FOXN3: variants seen among roughly 807,000 people sequenced by gnomAD.
The protein encoded by FOXN3 is forkhead box protein N3.
In FOXN3, 7 loss-of-function variants were observed where a neutral mutation model predicts 38.4. The ratio of observed to expected loss-of-function variants is 0.18; its 90% CI spans 0.10 to 0.34. The LOEUF (loss-of-function observed/expected upper bound fraction) is 0.34, where lower values mean the gene tolerates loss of function less well. Among genes scored for constraint, FOXN3 ranks in the 10% least tolerant of loss-of-function variants. FOXN3 has a pLI of 1.00. For synonymous variants in FOXN3, 230 were observed against 242.2 expected, an observed-to-expected ratio of 0.95 and a Z score of 0.47; for missense variants, 456 against 613.4, an observed-to-expected ratio of 0.74 and a Z score of 2.71.
At chr14:89,329,732 A>G (rs1888183055) in intron 3 of FOXN3, among the ~76,000 whole-genome samples, 1 of 151,610 alleles carries the variant, frequency 6.6e-6, no homozygotes, top group Non-Finnish European at 1.5e-5. Context: ...GGTGGCGGGC[A>G]CCTGTCCCAG....
chr14:89,422,592 A>C (rs1177399637), intron 1 of FOXN3, among the ~76,000 whole-genome samples: 1 of 152,168 alleles, frequency 6.6e-6, no homozygotes, highest in Non-Finnish European at 1.5e-5. Context: ...AGAGTAAAAA[A>C]ACTCCTCACT....
At chr14:89,598,188 T>C (rs1379992007) in intron 1 of FOXN3, among the ~76,000 whole-genome samples, 2 of 152,198 alleles carry the variant, frequency 1.3e-5, no homozygotes, top group African/African-American at 4.8e-5. Context: ...TTAACTTCAT[T>C]AACTTCTTTG....
intron 2 of FOXN3, among the ~76,000 whole-genome samples, chr14:89,377,312 A>AAAATAAAT (rs34397438): frequency 0.048 from 7,221 of 149,728 alleles, 251 homozygotes; most frequent in East Asian, 0.17. Flanking sequence ...ATGCTGGTAA[A>AAAATAAAT]AAATAAATAA....
chr14:89,609,761 G>A (rs1180464715), intron 1 of FOXN3, among the ~76,000 whole-genome samples: 2 of 152,128 alleles, frequency 1.3e-5, no homozygotes, highest in Non-Finnish European at 2.9e-5. Context: ...TCCAGAGCAC[G>A]ATCAAGGTCA....
chr14:89,307,549 A>G (rs542928381), intron 3 of FOXN3, among the ~76,000 whole-genome samples: 23 of 152,310 alleles, frequency 1.5e-4, no homozygotes, highest in Non-Finnish European at 2.8e-4. Context: ...AAATTTGGAC[A>G]GGCTCTCGTG....
At chr14:89,209,196 C>T (rs933165923) in intron 4 of FOXN3, among the ~76,000 whole-genome samples, 6 of 152,332 alleles carry the variant, frequency 3.9e-5, no homozygotes, top group African/African-American at 1.4e-4. Context: ...TAGTTACCAC[C>T]TTATCTGGCG....
chr14:89,249,898 T>C (rs1596130990), intron 4 of FOXN3, among the ~76,000 whole-genome samples: 1 of 152,196 alleles, frequency 6.6e-6, no homozygotes, highest in African/African-American at 2.4e-5. Flanking sequence ...ATCAATATTA[T>C]ATGAAATTCA....
chr14:89,459,540 T>C (rs1892795344), intron 1 of FOXN3, among the ~76,000 whole-genome samples: 1 of 152,138 alleles, frequency 6.6e-6, no homozygotes, highest in Non-Finnish European at 1.5e-5. Context: ...GAGCCGAGAT[T>C]AGAATACACC....
chr14:89,303,509 C>CA (rs35221005), intron 3 of FOXN3, among the ~76,000 whole-genome samples: 63,004 of 137,782 alleles, frequency 0.46, 14,273 homozygotes, highest in Middle Eastern at 0.56. Flanking sequence ...AAAAAAAAAA[C>CA]AAAAAAAAAA....
At chr14:89,348,900 CT>C (rs748768966) in intron 3 of FOXN3, among the ~76,000 whole-genome samples, 1 of 152,194 alleles carries the variant, frequency 6.6e-6, no homozygotes, top group African/African-American at 2.4e-5. Context: ...TAAATAATTA[CT>C]GTGTTTCCCT....
intron 1 of FOXN3, among the ~76,000 whole-genome samples, chr14:89,596,850 T>C (rs780204449): frequency 1.9e-4 from 29 of 150,168 alleles, no homozygotes; most frequent in South Asian, 4.2e-4. Context: ...AAGATAGTTA[T>C]ACCCTTTTTT....
chr14:89,308,535 G>C (rs189462719), intron 3 of FOXN3, among the ~76,000 whole-genome samples: 1 of 152,286 alleles, frequency 6.6e-6, no homozygotes, highest in East Asian at 1.9e-4. Flanking sequence ...GTGAAGTTGC[G>C]GGTCTTTGGG....
rs1349346045 is a variant in FOXN3, at chr14:89,158,071, A to T, written c.*4343T>A. The T allele has an allele frequency of 6.6e-6, 1 of 152,268 alleles. No individual in the cohort carries two copies. Among genetic ancestry groups the T allele is most frequent in the Non-Finnish European group, 1.5e-5 (1 of 68,032 alleles). 9.4% of individuals were successfully genotyped at this position (152,268 alleles called of 1,614,324 possible). A position where few individuals can be genotyped will look rare whatever the true frequency, so the allele number is the denominator to read the frequency against. On this transcript the variant is annotated 3_prime_UTR_variant, in exon 6 of 6. Transcript: ENST00000557258. ...ATCACATGGAATTTAATCCAATCTC[A>T]TCTAGAAAAGCTTCCCATTTAGGTC...
chr14:89,474,868 T>G (rs929347043), intron 1 of FOXN3, among the ~76,000 whole-genome samples: 1 of 152,284 alleles, frequency 6.6e-6, no homozygotes, highest in African/African-American at 2.4e-5. Flanking sequence ...CAGGCTGGAG[T>G]GCAGTGGCAC....
chr14:89,405,309 G>C (rs1891359804), intron 2 of FOXN3, among the ~76,000 whole-genome samples: 1 of 152,008 alleles, frequency 6.6e-6, no homozygotes, highest in South Asian at 2.1e-4. Flanking sequence ...GCTACTTTTT[G>C]TATTTTTAGT....
At chr14:89,517,408 G>A (rs2139816638) in intron 1 of FOXN3, among the ~76,000 whole-genome samples, 1 of 150,728 alleles carries the variant, frequency 6.6e-6, no homozygotes, top group Admixed American at 6.6e-5. Flanking sequence ...TCCACAGGCT[G>A]TACAGGAAGC....
At chr14:89,459,415 G>A (rs1892792567) in intron 1 of FOXN3, among the ~76,000 whole-genome samples, 2 of 152,170 alleles carry the variant, frequency 1.3e-5, no homozygotes, top group South Asian at 4.1e-4. Flanking sequence ...AACAGGGACA[G>A]CACATTAGCA....
intron 1 of FOXN3, among the ~76,000 whole-genome samples, chr14:89,537,796 A>G (rs559558525): frequency 2.0e-5 from 3 of 152,362 alleles, no homozygotes; most frequent in Non-Finnish European, 4.4e-5. Flanking sequence ...ATCAATTTAC[A>G]TATCTATAAA....
intron 3 of FOXN3, among the ~76,000 whole-genome samples, chr14:89,295,066 A>G (rs1356487452): frequency 6.6e-6 from 1 of 152,032 alleles, no homozygotes; most frequent in Non-Finnish European, 1.5e-5. Context: ...CCTTCCCAGC[A>G]TGTCCTTCCT....
Sources: gnomAD v4.1 joint callset for allele counts (sites outside exome capture counted in the v4.1 genomes callset) on GRCh38, gnomAD v4.1.1 for gene constraint, MANE v1.5 for transcripts, NCBI Gene and HGNC (gene_info 2026-07-23, HGNC 2026-07-21) for gene names.